SOS1: variants seen among roughly 807,000 people sequenced by gnomAD.
The protein encoded by SOS1 is son of sevenless homolog 1.
SOS1 carries 25 observed loss-of-function variants against 157.6 expected under a neutral mutation model. The observed-to-expected ratio is 0.16, with a 90% CI of 0.12 to 0.22. The LOEUF (loss-of-function observed/expected upper bound fraction) is 0.22. Ranked by LOEUF, SOS1 falls within the 10% of genes least tolerant of loss-of-function variation. The pLI is 1.00. For synonymous variants in SOS1, 528 were observed against 534.0 expected, an observed-to-expected ratio of 0.99 and a Z score of 0.16; for missense variants, 1,237 against 1,599.1, an observed-to-expected ratio of 0.77 and a Z score of 3.86.
At chr2:39,114,448 C>T in intron 1 of SOS1, among the ~76,000 whole-genome samples, 1 of 152,034 alleles carries the variant, frequency 6.6e-6, no homozygotes, top group East Asian at 1.9e-4. Context: ...GGATTACAGG[C>T]ATGCGCCACC....
Position 38,982,570 on chromosome 2 carries a change from T to A in SOS1, c.*3254A>T, listed in dbSNP as rs928829863. 4.6e-5 allele frequency: 7 copies of A among 152,196 alleles called. No homozygotes were observed. The highest frequency in any genetic ancestry group is 1.4e-4 in the African/African-American group (6 of 41,464). 9.4% of individuals were successfully genotyped at this position (152,196 alleles called of 1,614,324 possible). On this transcript the variant is annotated 3_prime_UTR_variant, in exon 23 of 23. Coordinates refer to ENST00000402219, the MANE Select transcript of SOS1 (RefSeq NM_005633.4). ...TATATGTTAAAAGAATAAGTAAACC[T>A]ATTCACAGCAGCAGAATACCAAGAA...
chr2:39,034,208 T>C (rs751562475), intron 8 of SOS1, among the ~76,000 whole-genome samples: 1 of 152,234 alleles, frequency 6.6e-6, no homozygotes, highest in South Asian at 2.1e-4. Flanking sequence ...ACATTCCTAA[T>C]TGAGAAATCA....
chr2:39,124,241 G>A (rs1033568794), upstream of SOS1: 8 of 152,366 alleles, frequency 5.3e-5, no homozygotes, highest in African/African-American at 1.2e-4. Flanking sequence ...CGTGCAGACG[G>A]GTAGGCACGT....
At chr2:39,007,314 T>C (rs1484645068) in intron 15 of SOS1, 121 bp from the exon 16 acceptor site, 3 of 691,378 alleles carry the variant, frequency 4.3e-6, no homozygotes, top group African/African-American at 3.6e-5. Flanking sequence ...ATAACTACTA[T>C]AGAGAAGACA....
intron 1 of SOS1, among the ~76,000 whole-genome samples, chr2:39,073,437 G>A (rs201473752): frequency 6.6e-6 from 1 of 152,136 alleles, no homozygotes; most frequent in East Asian, 1.9e-4. Context: ...AGTAATTTAA[G>A]TACAATTAAT....
At position 39,105,715 on chromosome 2, in the gene SOS1, T is replaced by G. The variant is rs184719710; in HGVS notation, c.87+14621A>C. On this transcript the variant is annotated intron_variant, in intron 1 of 22. Coordinates refer to ENST00000402219, the MANE Select transcript of SOS1 (RefSeq NM_005633.4). ...GAGTTCAAGACCTGCCTGGCCAACA[T>G]GCGAAACCCTGTCTCTACTAAAAAT... is the stretch of plus-strand genomic sequence containing the variant. Among the ~76,000 whole-genome samples, 776 of 151,686 alleles carry G rather than the reference T, an allele frequency of 5.1e-3. 6 individuals are homozygous for G. The highest frequency in any genetic ancestry group is 0.018 in the African/African-American group (749 of 41,358).
intron 8 of SOS1, among the ~76,000 whole-genome samples, chr2:39,028,011 A>T (rs1670026357): frequency 6.6e-6 from 1 of 152,098 alleles, no homozygotes; most frequent in Non-Finnish European, 1.5e-5. Context: ...TTGTATTTTT[A>T]GTAGAGACAG....
At chr2:39,119,069 A>C (rs978375690) in intron 1 of SOS1, among the ~76,000 whole-genome samples, 3 of 152,182 alleles carry the variant, frequency 2.0e-5, no homozygotes, top group Non-Finnish European at 4.4e-5. Flanking sequence ...TTCTAGCATC[A>C]CAGAGACCTC....
chr2:39,004,933 T>C (rs1214984766), intron 17 of SOS1, among the ~76,000 whole-genome samples: 2 of 152,138 alleles, frequency 1.3e-5, no homozygotes, highest in African/African-American at 4.8e-5. Flanking sequence ...GATGGCAGCA[T>C]AATTGTCATA....
chr2:38,994,289 T>C (rs910323490), intron 20 of SOS1, among the ~76,000 whole-genome samples: 4 of 152,216 alleles, frequency 2.6e-5, no homozygotes, highest in Non-Finnish European at 5.9e-5. Context: ...AAGTTATACA[T>C]GTGGCTCACA....
rs1380014439 is a variant in SOS1 at position 38,984,839 on chromosome 2, T to C, written c.*985A>G. The C allele has an allele frequency of 2.0e-5, 3 of 152,196 alleles. No homozygotes were observed. Among genetic ancestry groups the C allele is most frequent in the African/African-American group, 7.2e-5 (3 of 41,458 alleles). 9.4% of individuals were successfully genotyped at this position (152,196 alleles called of 1,614,324 possible). On this transcript the variant is annotated 3_prime_UTR_variant, in exon 23 of 23. Coordinates refer to ENST00000402219, the MANE Select transcript of SOS1 (RefSeq NM_005633.4). ...AGGCAATGCAAGATAATTCTAGATA[T>C]GCTGATTACTCAACTATGTGTAAAA...
intron 1 of SOS1, among the ~76,000 whole-genome samples, chr2:39,097,367 C>T (rs1205991091): frequency 2.0e-5 from 3 of 152,048 alleles, no homozygotes; most frequent in Admixed American, 6.6e-5. Context: ...ATTAAGGAAG[C>T]GGTCCATGAA....
chr2:39,051,320 G>C (rs1181894002), intron 5 of SOS1, 33 bp from the exon 6 acceptor site: 1 of 1,582,480 alleles, frequency 6.3e-7, no homozygotes, highest in Non-Finnish European at 8.7e-7. Context: ...ATTCAGTGAG[G>C]CTGTATTATT....
intron 2 of SOS1, among the ~76,000 whole-genome samples, chr2:39,061,820 T>A (rs369196002): frequency 7.9e-4 from 120 of 152,314 alleles, no homozygotes; most frequent in African/African-American, 2.9e-3. Context: ...TCTTGATTAA[T>A]ATCTAGTACC....
chr2:39,020,281 G>A (rs1446239668), intron 10 of SOS1, among the ~76,000 whole-genome samples: 3 of 151,622 alleles, frequency 2.0e-5, no homozygotes, highest in Non-Finnish European at 4.4e-5. Context: ...TGACACCACA[G>A]TGAAGTCTGA....
rs869178369 is a variant in SOS1 at position 39,069,190 on chromosome 2, C to CAAAA, written c.88-1441_88-1438dup. ...GGGAAAACCTGTCTCTACCAAAAAG[C>CAAAA]AAAAAAAAAAAAAAAAAAAAAAAAA... On this transcript the variant is annotated intron_variant, in intron 1 of 22. Transcript: ENST00000402219. 5.3e-4 allele frequency among the ~76,000 whole-genome samples: 25 copies of CAAAA among 46,756 alleles called. 2 individuals carry two copies. Among genetic ancestry groups the CAAAA allele is most frequent in the Admixed American group, 8.7e-4 (2 of 2,312 alleles). 30.7% of individuals were successfully genotyped at this position (46,756 alleles called of 152,430 possible).
intron 10 of SOS1, among the ~76,000 whole-genome samples, chr2:39,019,571 G>A (rs191603896): frequency 4.0e-5 from 6 of 151,696 alleles, no homozygotes; most frequent in African/African-American, 9.6e-5. Flanking sequence ...CAGAAACACC[G>A]AATCTGAGAG....
chr2:39,077,933 G>GAAGAAAA (rs1672072006), intron 1 of SOS1, among the ~76,000 whole-genome samples: 1 of 152,126 alleles, frequency 6.6e-6, no homozygotes. Context: ...AGTATAAAAT[G>GAAGAAAA]AAGAAAAATT....
chr2:39,073,609 T>C (rs72906436), intron 1 of SOS1, among the ~76,000 whole-genome samples: 8,039 of 152,292 alleles, frequency 0.053, 789 homozygotes, highest in African/African-American at 0.18. Flanking sequence ...ATTTTGTCTC[T>C]AGTAAGTTCC....
Sources: allele counts gnomAD v4.1 joint callset (sites outside exome capture counted in the v4.1 genomes callset), GRCh38; gene constraint gnomAD v4.1.1; transcripts MANE v1.5; gene names NCBI Gene and HGNC (gene_info 2026-07-23, HGNC 2026-07-21).